NRXN3: variants seen among roughly 807,000 people sequenced by gnomAD.
NRXN3 encodes neurexin 3, also known as neurexin III.
A neutral mutation model predicts 137.6 loss-of-function variants in NRXN3; 32 were observed. The observed-to-expected ratio is 0.23, with a 90% CI of 0.18 to 0.31. The LOEUF is 0.31. Among genes scored for constraint, NRXN3 ranks in the 10% least tolerant of loss-of-function variants. NRXN3 has a pLI of 1.00. For missense variants in NRXN3, 1,574 were observed against 2,062.5 expected (o/e 0.76, Z 4.59); for synonymous variants, 798 against 784.5 (o/e 1.02, Z -0.29).
intron 15 of NRXN3, among the ~76,000 whole-genome samples, chr14:79,088,124 G>A (rs543188951): frequency 6.7e-6 from 1 of 150,112 alleles, no homozygotes; most frequent in South Asian, 2.1e-4. Flanking sequence ...AGGGAGAAAA[G>A]AATCACCAGA....
At chr14:78,343,689 A>C (rs370676676) in intron 4 of NRXN3, among the ~76,000 whole-genome samples, 1 of 152,154 alleles carries the variant, frequency 6.6e-6, no homozygotes, top group African/African-American at 2.4e-5. Context: ...CCTCTAGATC[A>C]CTCTGGTTAA....
At chr14:78,340,025 T>C (rs2081976547) in intron 4 of NRXN3, among the ~76,000 whole-genome samples, 2 of 152,064 alleles carry the variant, frequency 1.3e-5, no homozygotes. Flanking sequence ...CAAGAATGAG[T>C]GAGAAGATAG....
intron 8 of NRXN3, among the ~76,000 whole-genome samples, chr14:78,739,202 A>C (rs1272591424): frequency 6.6e-6 from 1 of 152,242 alleles, no homozygotes; most frequent in African/African-American, 2.4e-5. Flanking sequence ...GCAAATAAAG[A>C]TACTTTCTTC....
At chr14:78,180,570 G>T (rs1289587727) in intron 1 of NRXN3, among the ~76,000 whole-genome samples, 1 of 152,202 alleles carries the variant, frequency 6.6e-6, no homozygotes, top group African/African-American at 2.4e-5. Flanking sequence ...TTGGTAAATG[G>T]TGGAGCTGGA....
At position 79,663,831 on chromosome 14, in the gene NRXN3, C is replaced by G. The variant is rs1165719694; in HGVS notation, c.3498C>G (p.Ile1166Met). Residue 1166 changes from isoleucine (I) to methionine (M), a missense_variant, in exon 17 of 21, where the codon ATC (isoleucine) becomes ATG (methionine). Physicochemically the swap from Ile to Met is conservative, Grantham distance 10. Coordinates refer to ENST00000335750, the MANE Select transcript of NRXN3 (RefSeq NM_001330195.2). ...VFNIGTVDISIKEERTPVNDG... is the reference protein window; with the variant it reads ...VFNIGTVDISMKEERTPVNDG... Reference sequence around the variant, plus strand: ...ACATTGGCACAGTTGACATCTCCATCAAAGAGGAGAGAACCCCTGTAAATG... The same window carrying G: ...ACATTGGCACAGTTGACATCTCCATGAAAGAGGAGAGAACCCCTGTAAATG... 1.2e-6 allele frequency: 2 copies of G among 1,613,322 alleles called. No individual in the cohort carries two copies. The highest frequency in any genetic ancestry group is 1.7e-6 in the Non-Finnish European group (2 of 1,179,604).
intron 4 of NRXN3, among the ~76,000 whole-genome samples, chr14:78,460,698 A>G (rs957684539): frequency 2.0e-5 from 3 of 152,248 alleles, no homozygotes; most frequent in East Asian, 3.8e-4. Flanking sequence ...CAGATGAAGT[A>G]TAATGAAAAA....
intron 16 of NRXN3, among the ~76,000 whole-genome samples, chr14:79,613,379 A>G (rs1404301389): frequency 6.6e-6 from 1 of 152,224 alleles, no homozygotes; most frequent in East Asian, 1.9e-4. Flanking sequence ...ATCTCAATCA[A>G]TGGTTCTAAG....
In NRXN3 at chr14:79,333,060, G is replaced by A. The variant is rs117449543; in HGVS notation, c.3263-134161G>A. ...CTGCTGTGTGCAAAGCTCCAATCCC[G>A]GGAAAATACCATGCAGCGCTTTCAT... On this transcript the variant is annotated intron_variant, in intron 15 of 20. Transcript: ENST00000335750. Among the ~76,000 whole-genome samples the A allele has an allele frequency of 1.5e-4, 23 of 152,128 alleles. No homozygotes were observed. The East Asian group carries it at 4.1e-3, about 27-fold the overall frequency.
At chr14:78,842,224 AC>A (rs1322819696) in intron 10 of NRXN3, among the ~76,000 whole-genome samples, 1 of 151,956 alleles carries the variant, frequency 6.6e-6, no homozygotes, top group Non-Finnish European at 1.5e-5. Flanking sequence ...GGCAAAATTC[AC>A]CCCCAATATT....
intron 15 of NRXN3, among the ~76,000 whole-genome samples, chr14:79,323,095 G>T (rs563329793): frequency 6.6e-6 from 1 of 152,296 alleles, no homozygotes; most frequent in South Asian, 2.1e-4. Flanking sequence ...GGGCAGTGGC[G>T]CAATCATAGC....
At chr14:79,502,516 C>A (rs921558654) in intron 16 of NRXN3, among the ~76,000 whole-genome samples, 4 of 151,522 alleles carry the variant, frequency 2.6e-5, no homozygotes, top group Admixed American at 6.6e-5. Context: ...TCTCGCCACA[C>A]CCCCCACCCC....
intron 8 of NRXN3, among the ~76,000 whole-genome samples, chr14:78,764,207 G>T (rs191240340): frequency 6.6e-6 from 1 of 152,240 alleles, no homozygotes; most frequent in East Asian, 1.9e-4. Flanking sequence ...GTAGAGGGAG[G>T]AAAGCCAAAC....
At position 78,590,508 on chromosome 14, in the gene NRXN3, A is replaced by G. The variant is rs551911193; in HGVS notation, c.758-54612A>G. On this transcript the variant is annotated intron_variant, in intron 4 of 20. Coordinates refer to ENST00000335750, the MANE Select transcript of NRXN3 (RefSeq NM_001330195.2). ...GGGGTCAAAAGCTAGACCATTCCTA[A>G]AGGAAAGTTTGATAGTTTCTTCTTT... 1.5e-4 allele frequency among the ~76,000 whole-genome samples: 23 copies of G among 152,308 alleles called. No homozygotes were observed. The Middle Eastern group carries it at 0.017, about 113-fold the overall frequency.
chr14:79,150,448 G>A (rs780771630), intron 15 of NRXN3, among the ~76,000 whole-genome samples: 1 of 151,920 alleles, frequency 6.6e-6, no homozygotes, highest in Non-Finnish European at 1.5e-5. Context: ...TAGGGTGAGA[G>A]ATGTGACTAA....
At chr14:78,649,650 G>A (rs78445132) in intron 5 of NRXN3, among the ~76,000 whole-genome samples, 108 of 150,980 alleles carry the variant, frequency 7.2e-4, no homozygotes, top group African/African-American at 2.6e-3. Context: ...ACATACTAGG[G>A]ACAACAGAGA....
At chr14:78,432,982 A>G (rs2093944178) in intron 4 of NRXN3, among the ~76,000 whole-genome samples, 1 of 152,206 alleles carries the variant, frequency 6.6e-6, no homozygotes, top group Non-Finnish European at 1.5e-5. Flanking sequence ...GCTTAAAACA[A>G]GATACGTTTA....
intron 4 of NRXN3, among the ~76,000 whole-genome samples, chr14:78,525,198 G>C (rs746101160): frequency 1.3e-5 from 2 of 152,166 alleles, no homozygotes; most frequent in African/African-American, 4.8e-5. Context: ...GAGAAGTCTG[G>C]ACAGAGTTTC....
intron 1 of NRXN3, among the ~76,000 whole-genome samples, chr14:78,203,630 A>G (rs529986029): frequency 4.9e-4 from 74 of 152,348 alleles, no homozygotes; most frequent in African/African-American, 1.8e-3. Flanking sequence ...TTCCTTCACC[A>G]ATCTGATAAG....
intron 1 of NRXN3, among the ~76,000 whole-genome samples, chr14:78,199,076 A>G (rs953180041): frequency 1.3e-5 from 2 of 152,244 alleles, no homozygotes; most frequent in African/African-American, 4.8e-5. Context: ...GCACATTGTC[A>G]GAGCTGCATT....
Sources: allele counts gnomAD v4.1 joint callset (sites outside exome capture counted in the v4.1 genomes callset), GRCh38; gene constraint gnomAD v4.1.1; transcripts MANE v1.5; gene names NCBI Gene and HGNC (gene_info 2026-07-23, HGNC 2026-07-21).